Variants in NSUN2 observed in about 807,000 individuals in gnomAD.
NSUN2 encodes NOP2/Sun RNA methyltransferase 2.
In NSUN2, 63 loss-of-function variants were observed where a neutral mutation model predicts 92.7. That is an observed-to-expected ratio of 0.68 (90% CI 0.56 to 0.84). The LOEUF (loss-of-function observed/expected upper bound fraction) is 0.84. Among genes scored for constraint, NSUN2 ranks in the 40% least tolerant of loss-of-function variants. The pLI is 0.00. For missense variants in NSUN2, 989 were observed against 964.9 expected (o/e 1.02, Z -0.33); for synonymous variants, 356 against 348.3 (o/e 1.02, Z -0.25).
At position 6,621,993 on chromosome 5, in the gene NSUN2, T is replaced by G. The variant is rs750125315; in HGVS notation, c.622+23A>C. 3.1e-6 allele frequency: 5 copies of G among 1,597,516 alleles called. No individual in the cohort carries two copies. In the Admixed American group the frequency reaches 8.4e-5, roughly 27 times the overall value. On this transcript the variant is annotated intron_variant, in intron 6 of 18. Coordinates refer to ENST00000264670, the MANE Select transcript of NSUN2 (RefSeq NM_017755.6). ...CTGCCAAAGTGGCATTCCTACCATT[T>G]TGAACACAAGTCCAATGCATACCTG...
Position 6,632,866 on chromosome 5 carries a change from C to G in NSUN2, c.96+18G>C, listed in dbSNP as rs961520826. 2.0e-6 allele frequency: 3 copies of G among 1,536,340 alleles called. No homozygotes were observed. The African/African-American group carries it at 4.1e-5, about 21-fold the overall frequency. Reference sequence around the variant, plus strand: ...CCAGGAGGAGCCCCTGGCCCGCCCGCCGGGTCCCGGCTCCTACCGCCTCGC... The same window carrying G: ...CCAGGAGGAGCCCCTGGCCCGCCCGGCGGGTCCCGGCTCCTACCGCCTCGC... On this transcript the variant is annotated intron_variant, in intron 1 of 18. Transcript: ENST00000264670.
chr5:6,601,991 C>T (rs1736575167), intron 18 of NSUN2, among the ~76,000 whole-genome samples: 1 of 152,170 alleles, frequency 6.6e-6, no homozygotes, highest in South Asian at 2.1e-4. Context: ...TGAATACATG[C>T]AAGCAGCGTG....
At chr5:6,614,366 T>TTG in intron 9 of NSUN2, among the ~76,000 whole-genome samples, 1 of 152,218 alleles carries the variant, frequency 6.6e-6, no homozygotes, top group Non-Finnish European at 1.5e-5. Context: ...TGCTCATCCC[T>TTG]CCTCACAATC....
intron 6 of NSUN2, chr5:6,621,576 G>C (rs192543727): frequency 3.7e-4 from 57 of 153,754 alleles, no homozygotes; most frequent in South Asian, 1.2e-3. Flanking sequence ...GTGAAACCCC[G>C]TCTCTACTAA....
At chr5:6,625,308 T>TA (rs1054572924) in intron 4 of NSUN2, among the ~76,000 whole-genome samples, 9 of 152,086 alleles carry the variant, frequency 5.9e-5, no homozygotes, top group African/African-American at 2.2e-4. Flanking sequence ...GCCATCCAAA[T>TA]ACACAAGCAA....
At chr5:6,617,005 G>C (rs1182505835) in intron 8 of NSUN2, 148 bp from the exon 9 acceptor site, 1 of 580,516 alleles carries the variant, frequency 1.7e-6, no homozygotes. Flanking sequence ...AATGAAGTTA[G>C]AGTAAACTTA....
At chr5:6,606,342 G>A (rs569713878) in intron 14 of NSUN2, among the ~76,000 whole-genome samples, 3 of 152,214 alleles carry the variant, frequency 2.0e-5, no homozygotes, top group East Asian at 1.9e-4. Flanking sequence ...GGAGTGCAGC[G>A]GCGCGATCTC....
At chr5:6,611,161 A>C in intron 10 of NSUN2, 76 bp from the exon 11 acceptor site, 1 of 1,523,666 alleles carries the variant, frequency 6.6e-7, no homozygotes, top group Non-Finnish European at 9.0e-7. Context: ...AGGAGTATCC[A>C]TTCTCTCAAA....
rs1736465734 is a variant in NSUN2, at chr5:6,599,798, G to A, written c.*128C>T. ...TCAGAAGGCTCCTATGATCCCACCA[G>A]TCTGCAGTCATTAGAAATATATGCT... On this transcript the variant is annotated 3_prime_UTR_variant, in exon 19 of 19. Coordinates refer to ENST00000264670, the MANE Select transcript of NSUN2 (RefSeq NM_017755.6). The A allele has an allele frequency of 1.3e-6, 1 of 779,436 alleles. No individual in the cohort carries two copies. Among genetic ancestry groups the A allele is most frequent in the African/African-American group, 1.7e-5 (1 of 58,110 alleles). The allele number at this position is 779,436 out of a possible 1,614,324, so 48.3% of individuals were successfully genotyped here.
intron 9 of NSUN2, among the ~76,000 whole-genome samples, chr5:6,613,260 T>A (rs1453042326): frequency 6.6e-6 from 1 of 152,220 alleles, no homozygotes; most frequent in Admixed American, 6.5e-5. Flanking sequence ...GTATTTAAGA[T>A]ATACACAACA....
chr5:6,625,912 T>C (rs757007514), intron 3 of NSUN2, among the ~76,000 whole-genome samples: 14 of 152,132 alleles, frequency 9.2e-5, no homozygotes, highest in Non-Finnish European at 2.1e-4. Flanking sequence ...TACAAGATTA[T>C]GCATATTACT....
At chr5:6,602,954 A>G (rs1736615142) in intron 17 of NSUN2, among the ~76,000 whole-genome samples, 2 of 152,260 alleles carry the variant, frequency 1.3e-5, no homozygotes, top group African/African-American at 4.8e-5. Flanking sequence ...CTTTACAAGA[A>G]TCTCTACTTT....
chr5:6,611,942 AGTGGATGAGTGGCCGACGGG>A (rs1328367776), intron 9 of NSUN2, 144 bp from the exon 10 acceptor site: 1 of 685,226 alleles, frequency 1.5e-6, no homozygotes, highest in South Asian at 1.9e-5. Context: ...GTCGACAGAA[AGTGGATGAGTGGCCGACGGG>A]GTGGATGAGT....
chr5:6,613,051 A>C (rs1342261427), intron 9 of NSUN2, among the ~76,000 whole-genome samples: 2 of 152,258 alleles, frequency 1.3e-5, no homozygotes, highest in Non-Finnish European at 2.9e-5. Context: ...GGAAGCATCT[A>C]CAATACGGTC....
chr5:6,631,518 T>A (rs570905377), intron 3 of NSUN2, among the ~76,000 whole-genome samples: 68 of 152,306 alleles, frequency 4.5e-4, no homozygotes, highest in African/African-American at 1.6e-3. Context: ...GAGACTGTTG[T>A]CAAGCTAAGT....
At chr5:6,623,425 C>T (rs1392035714) in intron 4 of NSUN2, 140 bp from the exon 5 acceptor site, 6 of 663,576 alleles carry the variant, frequency 9.0e-6, no homozygotes, top group Non-Finnish European at 1.5e-5. Context: ...TACTATCACA[C>T]AGAACACTAA....
intron 15 of NSUN2, 99 bp downstream of exon 15, chr5:6,605,174 G>A: frequency 6.7e-7 from 1 of 1,497,262 alleles, no homozygotes; most frequent in South Asian, 1.3e-5. Context: ...CAGGTGGGGA[G>A]GGCAGATGTC....
chr5:6,611,031 T>C lies in NSUN2; in HGVS notation c.1150A>G (p.Arg384Gly). Residue 384 changes from arginine to glycine, a missense_variant, in exon 11 of 19, where the codon AGA becomes GGA. Physicochemically the swap from Arg to Gly is moderately radical, Grantham distance 125 (BLOSUM62 -2). This residue lies in a region of NSUN2 where 626 missense variants were observed against 602.3 expected (regional missense o/e 1.04). Transcript: ENST00000264670. ...FTDWDAVPHS[R>G]HTQIRPTMFP... is the part of the protein sequence containing the mutation. The stretch of plus-strand genomic sequence containing the variant: ...ATGGTAGGTCGGATCTGGGTGTGTC[T>C]GCTGTGAGGAACAGCGTCCCAGTCT... 1 of 1,614,198 alleles carries C rather than the reference T, an allele frequency of 6.2e-7. No homozygotes were observed.
chr5:6,631,898 C>T lies in NSUN2; in HGVS notation c.334G>A (p.Val112Ile). Residue 112 changes from valine (V) to isoleucine (I), a missense_variant, in exon 3 of 19, where the codon GTT becomes ATT. Val to Ile is a conservative substitution (Grantham distance 29). Around this residue, in one of 3 missense-constraint regions of NSUN2, gnomAD observed 356 missense variants for 338.6 expected, o/e 1.05. Transcript: ENST00000264670. ...CAACTCAGTGGCTGTGGAACTTCAACTTTCTGACCGTCCACCTCCAGGTCC... is the reference window on the plus strand; with the variant it reads ...CAACTCAGTGGCTGTGGAACTTCAATTTTCTGACCGTCCACCTCCAGGTCC... ...LEDLEVDGQK[V>I]EVPQPLSWYP... 1 of 1,614,004 alleles carries T rather than the reference C, an allele frequency of 6.2e-7. No homozygotes were observed. The highest frequency in any genetic ancestry group is 8.5e-7 in the Non-Finnish European group (1 of 1,179,868).
Sources: allele counts gnomAD v4.1 joint callset (sites outside exome capture counted in the v4.1 genomes callset), GRCh38; gene constraint gnomAD v4.1.1; regional missense constraint gnomAD v4.1.1; transcripts MANE v1.5; gene names NCBI Gene and HGNC (gene_info 2026-07-23, HGNC 2026-07-21).